The following CFAP43 variants were observed in gnomAD, a reference collection of about 807,000 sequenced individuals.
CFAP43 encodes cilia and flagella associated protein 43.
CFAP43 carries 155 observed loss-of-function variants against 218.9 expected under a neutral mutation model. That is an observed-to-expected ratio of 0.71 (90% confidence interval 0.62 to 0.81). CFAP43 has a LOEUF of 0.81. CFAP43 is among the 30% of genes least tolerant of loss of function. The pLI, the probability that CFAP43 is intolerant of heterozygous loss-of-function variation, is 0.00. For synonymous variants in CFAP43, 645 were observed against 681.3 expected (o/e 0.95, Z 0.83); for missense variants, 1,778 against 1,954.3 (o/e 0.91, Z 1.70).
At chr10:104,168,653 G>T in intron 21 of CFAP43, 91 bp downstream of exon 21, 1 of 1,057,702 alleles carries the variant, frequency 9.5e-7, no homozygotes, top group Non-Finnish European at 1.4e-6. Flanking sequence ...GCTTTGCTAT[G>T]CCTGAATTTT....
intron 3 of CFAP43, among the ~76,000 whole-genome samples, chr10:104,219,947 T>G (rs924672304): frequency 6.6e-6 from 1 of 152,168 alleles, no homozygotes; most frequent in African/African-American, 2.4e-5. Flanking sequence ...CTCCCCCAAA[T>G]TCCCGTGTTA....
In CFAP43 at chr10:104,130,092, G is replaced by T. The variant is rs1308152306; in HGVS notation, c.*47C>A. The T allele has an allele frequency of 2.0e-6, 3 of 1,529,680 alleles. No individual in the cohort carries two copies. The highest frequency in any genetic ancestry group is 2.6e-5 in the South Asian group (2 of 77,334). 94.8% of individuals were successfully genotyped at this position (1,529,680 alleles called of 1,614,324 possible). A position where few individuals can be genotyped will look rare whatever the true frequency, so the allele number is the denominator to read the frequency against. ...GGAAATCATTTTACCCAAATGAAAT[G>T]ATTTTTTAAATGATTGATTTGGCCT... On this transcript the variant is annotated 3_prime_UTR_variant, in exon 38 of 38. Coordinates refer to ENST00000357060, the MANE Select transcript of CFAP43 (RefSeq NM_025145.7).
chr10:104,185,653 G>C (rs1255289996), intron 15 of CFAP43, among the ~76,000 whole-genome samples: 2 of 152,138 alleles, frequency 1.3e-5, no homozygotes, highest in Non-Finnish European at 1.5e-5. Context: ...CATCAATTTG[G>C]TATATAGGGC....
At chr10:104,130,983 AG>A (rs1185422693) in intron 37 of CFAP43, among the ~76,000 whole-genome samples, 1 of 132,662 alleles carries the variant, frequency 7.5e-6, no homozygotes, top group Non-Finnish European at 1.6e-5. Context: ...TGGGCAACAG[AG>A]GGACACCCTG....
intron 28 of CFAP43, among the ~76,000 whole-genome samples, chr10:104,150,455 T>C (rs183099228): frequency 1.3e-5 from 2 of 152,302 alleles, no homozygotes; most frequent in East Asian, 3.9e-4. Context: ...TGTTTCTAAT[T>C]ACAACACATT....
rs200041324 is a variant in CFAP43 at position 104,212,039 on chromosome 10, C to G, written c.703G>C (p.Gly235Arg). 6.2e-7 allele frequency: 1 copy of G among 1,613,432 alleles called. No individual in the cohort carries two copies. ...GTCTCTGCCTCTTTGCCTACCAGCC[C>G]GGCAATGGCTGACAGTGGCAGCACG... ...GPVLPLSAIA[G>R]LVGKEAETFR... Residue 235 changes from glycine to arginine, a missense_variant, in exon 5 of 38, where the codon GGG becomes CGG. By Grantham distance (125) the Gly-to-Arg change is moderately radical. Transcript: ENST00000357060.
intron 6 of CFAP43, 61 bp from the exon 7 acceptor site, chr10:104,206,091 G>T: frequency 1.5e-6 from 2 of 1,333,806 alleles, no homozygotes; most frequent in South Asian, 1.3e-5. Flanking sequence ...ATGTAACAAT[G>T]AATAATAAAA....
At chr10:104,203,936 GC>G in intron 7 of CFAP43, 133 bp from the exon 8 acceptor site, 11 of 730,174 alleles carry the variant, frequency 1.5e-5, no homozygotes, top group Non-Finnish European at 2.0e-5. Flanking sequence ...TTGCATAGAT[GC>G]ACTGTCCTCT....
intron 20 of CFAP43, among the ~76,000 whole-genome samples, chr10:104,169,134 G>C (rs74991437): frequency 2.3e-4 from 35 of 152,284 alleles, no homozygotes; most frequent in African/African-American, 8.4e-4. Flanking sequence ...CGAGTGAAGT[G>C]GGGTGTGAGG....
chr10:104,187,523 C>T (rs1455407129), intron 13 of CFAP43, 31 bp from the exon 14 acceptor site: 1 of 1,474,698 alleles, frequency 6.8e-7, no homozygotes, highest in Non-Finnish European at 9.0e-7. Flanking sequence ...AGAGAAATCA[C>T]TTGTACCATA....
intron 32 of CFAP43, among the ~76,000 whole-genome samples, chr10:104,142,643 T>A (rs1354032778): frequency 6.6e-6 from 1 of 152,182 alleles, no homozygotes; most frequent in African/African-American, 2.4e-5. Context: ...ATCTTATTTT[T>A]AAAATTTGTT....
chr10:104,148,352 A>G (rs1175557159), intron 28 of CFAP43, among the ~76,000 whole-genome samples: 2 of 152,176 alleles, frequency 1.3e-5, no homozygotes, highest in African/African-American at 2.4e-5. Context: ...TCTCAACCCC[A>G]GTACTAAACA....
intron 5 of CFAP43, among the ~76,000 whole-genome samples, chr10:104,208,265 A>G (rs2134962769): frequency 6.6e-6 from 1 of 152,322 alleles, no homozygotes; most frequent in African/African-American, 2.4e-5. Flanking sequence ...ATAAATCACA[A>G]AGACAGACTT....
chr10:104,191,922 T>C (rs2090237119), intron 12 of CFAP43, among the ~76,000 whole-genome samples: 2 of 152,246 alleles, frequency 1.3e-5, no homozygotes, highest in South Asian at 2.1e-4. Context: ...ATGTTAATAT[T>C]AGAAATGTTC....
chr10:104,168,939 A>G, intron 20 of CFAP43, 91 bp from the exon 21 acceptor site: 1 of 998,478 alleles, frequency 1.0e-6, no homozygotes, highest in East Asian at 2.4e-5. Flanking sequence ...AGTAGCCATT[A>G]ACTGCACCTT....
Position 104,179,904 on chromosome 10 carries a change from T to C in CFAP43, c.2318A>G (p.Gln773Arg), listed in dbSNP as rs1279351770. 1.2e-6 allele frequency: 2 copies of C among 1,613,732 alleles called. No homozygotes were observed. The highest frequency in any genetic ancestry group is 3.3e-5 in the Admixed American group (2 of 59,962). Residue 773 changes from glutamine (Q) to arginine (R), a missense_variant, in exon 18 of 38, where the codon CAA (glutamine) becomes CGA (arginine). Physicochemically the swap from Gln to Arg is conservative, Grantham distance 43. Transcript: ENST00000357060. ...TKQKASTDLS[Q>R]DELVLTDVKK... ...AACATCGGTTAGAACTAATTCATCT[T>C]GTGATAAGTCAGTGCTTGCCTTCTG...
At chr10:104,221,026 A>T (rs1219806786) in intron 3 of CFAP43, among the ~76,000 whole-genome samples, 1 of 150,058 alleles carries the variant, frequency 6.7e-6, no homozygotes, top group African/African-American at 2.5e-5. Context: ...CCCAGGCTGG[A>T]GTGCAGTGGC....
intron 27 of CFAP43, among the ~76,000 whole-genome samples, chr10:104,156,529 G>A (rs2134791840): frequency 6.6e-6 from 1 of 152,258 alleles, no homozygotes; most frequent in South Asian, 2.1e-4. Flanking sequence ...TCAAAGAAGA[G>A]TACATTTTAA....
At chr10:104,215,543 G>A (rs2090990326) in intron 3 of CFAP43, among the ~76,000 whole-genome samples, 1 of 152,136 alleles carries the variant, frequency 6.6e-6, no homozygotes, top group Non-Finnish European at 1.5e-5. Flanking sequence ...GAAAGCCTGG[G>A]CTGCTAGAGA....
Sources: allele counts gnomAD v4.1 joint callset (sites outside exome capture counted in the v4.1 genomes callset), GRCh38; gene constraint gnomAD v4.1.1; transcripts MANE v1.5; gene names NCBI Gene and HGNC (gene_info 2026-07-23, HGNC 2026-07-21).